Variants in KDM4C observed in about 807,000 individuals in gnomAD.
The protein encoded by KDM4C is lysine demethylase 4C, also known as lysine-specific demethylase 4C.
A neutral mutation model predicts 129.3 loss-of-function variants in KDM4C; 81 were observed. The ratio of observed to expected loss-of-function variants is 0.63; its 90% confidence interval spans 0.52 to 0.75. KDM4C has a LOEUF of 0.75. KDM4C is among the 30% of genes least tolerant of loss of function. KDM4C has a pLI of 0.00. For missense variants in KDM4C, 1,457 were observed against 1,304.0 expected (o/e 1.12, Z -1.81); for synonymous variants, 573 against 456.1 (o/e 1.26, Z -3.26).
intron 7 of KDM4C, among the ~76,000 whole-genome samples, chr9:6,889,250 T>TGTGTGGGGGGGGGGGG (rs1554627898): frequency 3.5e-5 from 1 of 28,214 alleles, no homozygotes; most frequent in African/African-American, 1.1e-4. Context: ...TGTGTGTGTG[T>TGTGTGGGGGGGGGGGG]GGGAGGGTGG....
chr9:6,875,526 G>C (rs1456638532), intron 5 of KDM4C, among the ~76,000 whole-genome samples: 5 of 152,128 alleles, frequency 3.3e-5, no homozygotes, highest in Non-Finnish European at 7.4e-5. Context: ...AATGTAAGTG[G>C]GTAATGATAC....
At chr9:7,026,703 C>T (rs1002971777) in intron 15 of KDM4C, among the ~76,000 whole-genome samples, 19 of 152,048 alleles carry the variant, frequency 1.2e-4, no homozygotes, top group African/African-American at 4.3e-4. Flanking sequence ...TCTGCCTCTG[C>T]GTTAAGGCTA....
chr9:7,137,248 A>G (rs965085860), intron 19 of KDM4C, among the ~76,000 whole-genome samples: 1 of 152,228 alleles, frequency 6.6e-6, no homozygotes, highest in African/African-American at 2.4e-5. Context: ...TGGCCTTGGC[A>G]GGCTTACCCA....
intron 17 of KDM4C, among the ~76,000 whole-genome samples, chr9:7,078,203 C>A (rs1834137988): frequency 2.0e-5 from 3 of 152,106 alleles, no homozygotes; most frequent in African/African-American, 4.8e-5. Flanking sequence ...TTTATACATG[C>A]TGTGGTGTAA....
chr9:6,873,586 C>G (rs1389987184), intron 5 of KDM4C, among the ~76,000 whole-genome samples: 2 of 152,224 alleles, frequency 1.3e-5, no homozygotes, highest in Admixed American at 1.3e-4. Flanking sequence ...GCTTCTTCAC[C>G]TCTCTCAGTC....
intron 15 of KDM4C, among the ~76,000 whole-genome samples, chr9:7,017,506 A>G (rs1055764462): frequency 1.3e-5 from 2 of 152,192 alleles, no homozygotes; most frequent in East Asian, 3.8e-4. Context: ...ATAATGTTAT[A>G]AAAGTTTAGC....
intron 17 of KDM4C, among the ~76,000 whole-genome samples, chr9:7,093,824 G>C (rs1234277447): frequency 6.6e-6 from 1 of 152,112 alleles, no homozygotes; most frequent in Non-Finnish European, 1.5e-5. Flanking sequence ...ACTGTCTCTG[G>C]ATCTGAAGGT....
intron 8 of KDM4C, among the ~76,000 whole-genome samples, chr9:6,951,334 G>A (rs539347018): frequency 1.7e-4 from 26 of 152,216 alleles, no homozygotes; most frequent in Non-Finnish European, 3.1e-4. Flanking sequence ...ATGCTTTTGA[G>A]TTATAAATTA....
chr9:6,978,129 C>G (rs1403547979), intron 8 of KDM4C, among the ~76,000 whole-genome samples: 2 of 152,180 alleles, frequency 1.3e-5, no homozygotes, highest in Non-Finnish European at 2.9e-5. Context: ...ATAGTTACCA[C>G]TGTTACTCTC....
At chr9:7,094,639 C>G (rs997505866) in intron 17 of KDM4C, among the ~76,000 whole-genome samples, 11 of 152,326 alleles carry the variant, frequency 7.2e-5, no homozygotes, top group African/African-American at 2.6e-4. Flanking sequence ...GAACCCTATA[C>G]TGAGTTAACT....
At chr9:7,159,809 T>C (rs2130319174) in intron 19 of KDM4C, among the ~76,000 whole-genome samples, 1 of 152,298 alleles carries the variant, frequency 6.6e-6, no homozygotes, top group Non-Finnish European at 1.5e-5. Context: ...ATTATGTGTC[T>C]TGGGGTTGCT....
chr9:6,727,149 C>T (rs895353685), intron 1 of KDM4C: 1 of 152,162 alleles, frequency 6.6e-6, no homozygotes, highest in Non-Finnish European at 1.5e-5. Flanking sequence ...GTCCTTTACA[C>T]ATATAAGATG....
At chr9:6,844,721 T>C (rs1837550762) in intron 4 of KDM4C, among the ~76,000 whole-genome samples, 1 of 152,182 alleles carries the variant, frequency 6.6e-6, no homozygotes, top group African/African-American at 2.4e-5. Flanking sequence ...GGAGTCTCGC[T>C]TTGTTGCCCA....
chr9:7,106,195 T>C (rs1298147163), intron 18 of KDM4C, among the ~76,000 whole-genome samples: 1 of 152,232 alleles, frequency 6.6e-6, no homozygotes, highest in Non-Finnish European at 1.5e-5. Flanking sequence ...CTGGCAACTT[T>C]GGTTAAGAAC....
intron 17 of KDM4C, among the ~76,000 whole-genome samples, chr9:7,098,388 T>G (rs1836694378): frequency 1.3e-5 from 2 of 152,252 alleles, no homozygotes; most frequent in South Asian, 4.1e-4. Flanking sequence ...TTCTGATACC[T>G]TATTTATGAT....
intron 17 of KDM4C, among the ~76,000 whole-genome samples, chr9:7,080,505 C>G (rs538745895): frequency 7.2e-4 from 110 of 152,270 alleles, no homozygotes; most frequent in African/African-American, 2.5e-3. Flanking sequence ...AAGTGAAATG[C>G]TTGATATGGG....
Position 6,813,179 on chromosome 9 carries a change from A to C in KDM4C, c.321-1452A>C, listed in dbSNP as rs1831477851. On this transcript the variant is annotated intron_variant, in intron 3 of 21. Transcript: ENST00000381309. Reference sequence around the variant, plus strand: ...AACAAGAGTGAGACCGTCTCAAAACAAAACAGAAGAAAAACATTAAAAAAA... The same window carrying C: ...AACAAGAGTGAGACCGTCTCAAAACCAAACAGAAGAAAAACATTAAAAAAA... Among the ~76,000 whole-genome samples the C allele has an allele frequency of 2.0e-5, 3 of 152,108 alleles. No individual in the cohort carries two copies. The South Asian group carries it at 6.2e-4, about 32-fold the overall frequency.
At chr9:6,790,741 T>G (rs541257491) in intron 1 of KDM4C, among the ~76,000 whole-genome samples, 1 of 149,634 alleles carries the variant, frequency 6.7e-6, no homozygotes, top group African/African-American at 2.5e-5. Context: ...CAGGTCCTAA[T>G]GGATTTAGAA....
chr9:6,924,471 C>T (rs1479047132), intron 8 of KDM4C, among the ~76,000 whole-genome samples: 2 of 152,336 alleles, frequency 1.3e-5, no homozygotes, highest in African/African-American at 2.4e-5. Flanking sequence ...ACTTGCCTCA[C>T]ACCATCCTCT....
Sources: allele counts gnomAD v4.1 joint callset (sites outside exome capture counted in the v4.1 genomes callset), GRCh38; gene constraint gnomAD v4.1.1; transcripts MANE v1.5; gene names NCBI Gene and HGNC (gene_info 2026-07-23, HGNC 2026-07-21).